IL5RA: variants seen among roughly 807,000 people sequenced by gnomAD.
IL5RA encodes the protein interleukin-5 receptor subunit alpha.
A neutral mutation model predicts 50.0 loss-of-function variants in IL5RA; 49 were observed. The observed-to-expected ratio is 0.98, with a 90% CI of 0.78 to 1.24. The LOEUF is 1.24. Ranked by LOEUF, IL5RA falls within the 50% of genes most tolerant of loss-of-function variation. The pLI is 0.00. For missense variants in IL5RA, 600 were observed against 500.4 expected (o/e 1.20, Z -1.90); for synonymous variants, 202 against 174.0 (o/e 1.16, Z -1.26).
chr3:3,095,191 C>T (rs1215385787), intron 8 of IL5RA, 108 bp downstream of exon 8: 2 of 775,602 alleles, frequency 2.6e-6, no homozygotes, highest in African/African-American at 3.5e-5. Context: ...TTAACTTTGA[C>T]CTTGTTAGTA....
chr3:3,072,288 C>G (rs1023213275), intron 11 of IL5RA, among the ~76,000 whole-genome samples: 6 of 152,216 alleles, frequency 3.9e-5, no homozygotes, highest in Non-Finnish European at 8.8e-5. Flanking sequence ...TGTGCTCTTT[C>G]TTTCTTCTCT....
chr3:3,098,183 C>A lies in IL5RA; in HGVS notation c.475G>T (p.Val159Phe), dbSNP rs757555117. 1.4e-5 allele frequency: 22 copies of A among 1,614,150 alleles called. No individual in the cohort carries two copies. In the Admixed American group the frequency reaches 3.3e-4, roughly 24 times the overall value. The change falls in exon 6 of 12, where the codon GTT becomes TTT. Residue 159 changes from valine to phenylalanine, a missense_variant. Physicochemically the swap from Val to Phe is conservative, Grantham distance 50. Transcript: ENST00000446632. ...GTGTCCTCAGGGGCATCTGTGCCAA[C>A]AAGCCAGGTGCAGTGAAGGGAAACT... ...YQVSLHCTWL[V>F]GTDAPEDTQY...
At position 3,071,398 on chromosome 3, in the gene IL5RA, C is replaced by T. The variant is rs17882788; in HGVS notation, c.1177-1087G>A. On this transcript the variant is annotated intron_variant, in intron 11 of 11. Coordinates refer to ENST00000446632, the MANE Select transcript of IL5RA (RefSeq NM_175726.4). ...CAACACTTTGGGAGGCTGAAGCAGG[C>T]GCATAGCTTGAGCCCAGGAGTTGGA... Among the ~76,000 whole-genome samples, 1,258 of 152,280 alleles carry T rather than the reference C, an allele frequency of 8.3e-3. 26 individuals carry two copies. Among genetic ancestry groups the T allele is most frequent in the African/African-American group, 0.029 (1,201 of 41,552 alleles).
chr3:3,081,104 C>G (rs1702648901), intron 9 of IL5RA, among the ~76,000 whole-genome samples: 1 of 152,148 alleles, frequency 6.6e-6, no homozygotes, highest in East Asian at 1.9e-4. Context: ...AACAGACCCT[C>G]AAAGTGGCAA....
In IL5RA at chr3:3,097,906, T is replaced by C. The variant is rs1373238631; in HGVS notation, c.673A>G (p.Arg225Gly). The C allele has an allele frequency of 6.2e-7, 1 of 1,614,154 alleles. No homozygotes were observed. The highest frequency in any genetic ancestry group is 1.7e-5 in the Admixed American group (1 of 60,012). Residue 225 changes from arginine to glycine, a missense_variant, in exon 7 of 12, where the codon AGG becomes GGG. Coordinates refer to ENST00000446632, the MANE Select transcript of IL5RA (RefSeq NM_175726.4). The part of the protein sequence containing the change: ...VNGSSKHSAI[R>G]PFDQLFALHA... ...AGGGCAAACAGCTGATCAAAGGGCC[T>C]GATAGCAGAGTGCTTGCTGGAGCCG...
chr3:3,069,301 A>G lies in IL5RA; in HGVS notation c.*924T>C, dbSNP rs1702221945. On this transcript the variant is annotated 3_prime_UTR_variant, in exon 12 of 12. Transcript: ENST00000446632. ...ATTTCTGTGTATATTGGGATATTTG[A>G]TGGAATGGCCTTGTAGAAACTTTTC... The G allele has an allele frequency of 6.6e-6, 1 of 152,228 alleles. No individual in the cohort carries two copies. The allele number at this position is 152,228 out of a possible 1,614,324, so 9.4% of individuals were successfully genotyped here.
intron 5 of IL5RA, among the ~76,000 whole-genome samples, chr3:3,100,521 G>A (rs1703594882): frequency 6.6e-6 from 1 of 152,166 alleles, no homozygotes; most frequent in Admixed American, 6.5e-5. Context: ...CCACACCCAA[G>A]TACACTTTAG....
intron 9 of IL5RA, among the ~76,000 whole-genome samples, chr3:3,081,825 C>T (rs1016673725): frequency 2.0e-5 from 3 of 152,134 alleles, no homozygotes; most frequent in East Asian, 1.9e-4. Context: ...CGGTCACTGC[C>T]GGGAGGGAGG....
chr3:3,080,643 T>TC (rs1486085957), intron 9 of IL5RA, among the ~76,000 whole-genome samples: 3 of 152,164 alleles, frequency 2.0e-5, no homozygotes, highest in Non-Finnish European at 2.9e-5. Flanking sequence ...CTCCTGACAT[T>TC]CCCCAAACTC....
chr3:3,086,917 A>G (rs1388216092), intron 9 of IL5RA, among the ~76,000 whole-genome samples: 1 of 152,234 alleles, frequency 6.6e-6, no homozygotes, highest in African/African-American at 2.4e-5. Flanking sequence ...TTTTGCAGCA[A>G]CTTGGATGGA....
At chr3:3,091,908 G>T in intron 9 of IL5RA, 3 of 855,594 alleles carry the variant, frequency 3.5e-6, no homozygotes, top group South Asian at 5.1e-5. Context: ...TCTTCCCACA[G>T]CTTGTGAGTG....
At position 3,109,328 on chromosome 3, in the gene IL5RA, C is replaced by T. The variant is rs765124599; in HGVS notation, c.-146+617G>A. ...CCCCTACCAGAAAGAAAAAGCAGAA[C>T]GCCTCCTTCAGTTAGATAAAGTGCC... On this transcript the variant is annotated intron_variant, in intron 1 of 11. Transcript: ENST00000446632. Among the ~76,000 whole-genome samples the T allele has an allele frequency of 1.1e-3, 165 of 152,248 alleles. 2 individuals carry two copies. The highest frequency in any genetic ancestry group is 1.9e-3 in the Non-Finnish European group (131 of 68,018).
chr3:3,094,063 C>T (rs551283709), intron 8 of IL5RA, among the ~76,000 whole-genome samples: 2 of 152,290 alleles, frequency 1.3e-5, no homozygotes, highest in Non-Finnish European at 2.9e-5. Flanking sequence ...GCTTTCTTCT[C>T]AGTTCCTTTC....
At chr3:3,074,612 A>G (rs989416876) in intron 11 of IL5RA, among the ~76,000 whole-genome samples, 170 bp downstream of exon 11, 2 of 152,200 alleles carry the variant, frequency 1.3e-5, no homozygotes, top group African/African-American at 4.8e-5. Flanking sequence ...CTTAAAAAAT[A>G]CAAACAACTG....
intron 9 of IL5RA, among the ~76,000 whole-genome samples, chr3:3,085,708 C>T (rs1231799067): frequency 1.3e-5 from 2 of 152,110 alleles, no homozygotes; most frequent in Non-Finnish European, 2.9e-5. Context: ...TCTGGGGTGG[C>T]CTTCCTTCCA....
intron 2 of IL5RA, among the ~76,000 whole-genome samples, chr3:3,108,029 A>C (rs3804790): frequency 0.12 from 18,493 of 152,198 alleles, 1,267 homozygotes; most frequent in Middle Eastern, 0.18. Flanking sequence ...AACTGTGGTA[A>C]CACCTAATTC....
intron 9 of IL5RA, among the ~76,000 whole-genome samples, chr3:3,081,010 T>TC (rs1028617760): frequency 4.1e-4 from 62 of 152,040 alleles, no homozygotes; most frequent in Non-Finnish European, 7.6e-4. Context: ...GGCTATAGTA[T>TC]TTTTTTTCAA....
chr3:3,104,463 G>A (rs1310306683), intron 3 of IL5RA, among the ~76,000 whole-genome samples: 1 of 152,326 alleles, frequency 6.6e-6, no homozygotes, highest in East Asian at 1.9e-4. Flanking sequence ...ACCATAGATA[G>A]TTCTGTTGAC....
In IL5RA at chr3:3,098,157, C is replaced by G. The variant is rs767486437; in HGVS notation, c.501G>C (p.Thr167=). ...WLVGTDAPED[T]QYFLYYRYGS... Reference sequence around the variant, plus strand: ...CTAACCTATAGTAGAGAAAATACTGCGTGTCCTCAGGGGCATCTGTGCCAA... The same window carrying G: ...CTAACCTATAGTAGAGAAAATACTGGGTGTCCTCAGGGGCATCTGTGCCAA... Residue 167 remains threonine (T), a synonymous_variant, in exon 6 of 12, where the codon ACG becomes ACC. Coordinates refer to ENST00000446632, the MANE Select transcript of IL5RA (RefSeq NM_175726.4). The G allele has an allele frequency of 1.2e-6, 2 of 1,614,104 alleles. No individual in the cohort carries two copies. The highest frequency in any genetic ancestry group is 2.2e-5 in the South Asian group (2 of 91,072).
Sources: allele counts gnomAD v4.1 joint callset (sites outside exome capture counted in the v4.1 genomes callset), GRCh38; gene constraint gnomAD v4.1.1; transcripts MANE v1.5; gene names NCBI Gene and HGNC (gene_info 2026-07-23, HGNC 2026-07-21).